MECOM: variants seen among roughly 807,000 people sequenced by gnomAD.
The protein encoded by MECOM is histone-lysine N-methyltransferase MECOM.
A neutral mutation model predicts 116.3 loss-of-function variants in MECOM; 13 were observed. The observed-to-expected ratio is 0.11, with a 90% CI of 0.07 to 0.18. The LOEUF (loss-of-function observed/expected upper bound fraction) is 0.18. Among genes scored for constraint, MECOM ranks in the 10% least tolerant of loss-of-function variants. The pLI is 1.00. For missense variants in MECOM, 1,299 were observed against 1,509.0 expected, an observed-to-expected ratio of 0.86 and a Z score of 2.31; for synonymous variants, 528 against 535.2, an observed-to-expected ratio of 0.99 and a Z score of 0.19.
intron 2 of MECOM, among the ~76,000 whole-genome samples, chr3:169,331,858 C>T (rs1419333798): frequency 6.6e-6 from 1 of 151,866 alleles, no homozygotes; most frequent in African/African-American, 2.4e-5. Flanking sequence ...TTCTGTAATC[C>T]TCAAAGAGGC....
intron 2 of MECOM, among the ~76,000 whole-genome samples, chr3:169,285,672 T>C (rs1404988035): frequency 4.6e-5 from 7 of 152,224 alleles, no homozygotes; most frequent in Non-Finnish European, 1.0e-4. Flanking sequence ...TTAGTTAAGA[T>C]AAGATGTACT....
chr3:169,301,355 A>T (rs1284263278), intron 2 of MECOM, among the ~76,000 whole-genome samples: 1 of 152,242 alleles, frequency 6.6e-6, no homozygotes, highest in Non-Finnish European at 1.5e-5. Flanking sequence ...GTGAAGCAAG[A>T]TGCCACCCAA....
chr3:169,577,474 T>C (rs199889416), intron 1 of MECOM, among the ~76,000 whole-genome samples: 3 of 25,310 alleles, frequency 1.2e-4, no homozygotes, highest in African/African-American at 5.3e-4. Flanking sequence ...AAAAGTTGCC[T>C]TTTTTTTTTT....
intron 1 of MECOM, among the ~76,000 whole-genome samples, chr3:169,395,621 C>A (rs1221501530): frequency 6.6e-6 from 1 of 152,060 alleles, no homozygotes; most frequent in East Asian, 1.9e-4. Flanking sequence ...ATTTGTTTTT[C>A]TTTTAAAAGA....
chr3:169,431,425 T>C (rs1307584310), intron 1 of MECOM, among the ~76,000 whole-genome samples: 6 of 152,146 alleles, frequency 3.9e-5, no homozygotes, highest in Admixed American at 3.3e-4. Flanking sequence ...CCGTTGCTAG[T>C]AGAACATTAT....
intron 1 of MECOM, among the ~76,000 whole-genome samples, chr3:169,598,725 TA>T (rs1244552907): frequency 1.3e-5 from 2 of 152,230 alleles, no homozygotes; most frequent in Non-Finnish European, 1.5e-5. Context: ...TATAAACTCT[TA>T]ATAGGTATTA....
chr3:169,205,458 G>C (rs948067918), intron 2 of MECOM, among the ~76,000 whole-genome samples: 4 of 152,152 alleles, frequency 2.6e-5, no homozygotes, highest in African/African-American at 9.7e-5. Flanking sequence ...AGGCCACACC[G>C]TACTGTACAT....
chr3:169,631,875 C>A (rs891173575), intron 1 of MECOM, among the ~76,000 whole-genome samples: 3 of 152,140 alleles, frequency 2.0e-5, no homozygotes, highest in African/African-American at 7.2e-5. Context: ...TTCTAGTCTA[C>A]ACCCTACAGT....
intron 2 of MECOM, among the ~76,000 whole-genome samples, chr3:169,189,395 C>T (rs1035073442): frequency 2.0e-5 from 3 of 151,986 alleles, no homozygotes; most frequent in African/African-American, 7.2e-5. Flanking sequence ...CCTTGAGTCC[C>T]CAAACTCCAG....
chr3:169,101,168 T>C (rs777569622), intron 11 of MECOM, among the ~76,000 whole-genome samples: 2 of 152,238 alleles, frequency 1.3e-5, no homozygotes, highest in Non-Finnish European at 2.9e-5. Flanking sequence ...TAAGATCTGG[T>C]TGAATTTGTT....
At chr3:169,478,618 C>T (rs1373211502) in intron 1 of MECOM, among the ~76,000 whole-genome samples, 1 of 152,184 alleles carries the variant, frequency 6.6e-6, no homozygotes, top group African/African-American at 2.4e-5. Context: ...GGCTTAACCA[C>T]CCACGGGAAT....
intron 1 of MECOM, among the ~76,000 whole-genome samples, chr3:169,460,258 CAAAT>C (rs1476711056): frequency 2.0e-5 from 3 of 152,070 alleles, no homozygotes; most frequent in African/African-American, 7.2e-5. Context: ...AGAGAGCAAA[CAAAT>C]AGTGAATGGG....
intron 2 of MECOM, among the ~76,000 whole-genome samples, chr3:169,376,975 G>A (rs1273884): frequency 0.45 from 67,673 of 151,918 alleles, 15,538 homozygotes; most frequent in Middle Eastern, 0.55. Flanking sequence ...GTGCCAAAAC[G>A]GATAAAGTAG....
chr3:169,463,512 G>A (rs904545186), intron 1 of MECOM, among the ~76,000 whole-genome samples: 1 of 152,070 alleles, frequency 6.6e-6, no homozygotes, highest in East Asian at 1.9e-4. Context: ...CAAGGGAGGT[G>A]GATTCTGCCT....
intron 2 of MECOM, among the ~76,000 whole-genome samples, chr3:169,202,552 C>T (rs764768392): frequency 9.9e-5 from 15 of 151,998 alleles, no homozygotes; most frequent in Non-Finnish European, 1.8e-4. Flanking sequence ...CATTAAGATT[C>T]CAGCATCTAA....
chr3:169,205,885 A>G (rs1219542168), intron 2 of MECOM, among the ~76,000 whole-genome samples: 1 of 152,224 alleles, frequency 6.6e-6, no homozygotes, highest in African/African-American at 2.4e-5. Context: ...TTGGGATTAG[A>G]TGCTAATAAT....
intron 2 of MECOM, among the ~76,000 whole-genome samples, chr3:169,157,239 C>T (rs1002953026): frequency 6.6e-6 from 1 of 152,140 alleles, no homozygotes; most frequent in African/African-American, 2.4e-5. Flanking sequence ...AATAATTGCC[C>T]CACCCCAAAT....
intron 2 of MECOM, among the ~76,000 whole-genome samples, chr3:169,286,314 C>T (rs1713307554): frequency 6.6e-6 from 1 of 152,184 alleles, no homozygotes; most frequent in Non-Finnish European, 1.5e-5. Context: ...CAGCTTCCCC[C>T]TCTGCTACCT....
At chr3:169,293,541 G>GT (rs1715019166) in intron 2 of MECOM, among the ~76,000 whole-genome samples, 1 of 152,156 alleles carries the variant, frequency 6.6e-6, no homozygotes, top group Admixed American at 6.5e-5. Context: ...TTCTGTTCCA[G>GT]TGTCCCTGCT....
Sources: gnomAD v4.1 joint callset for allele counts (sites outside exome capture counted in the v4.1 genomes callset) on GRCh38, gnomAD v4.1.1 for gene constraint, MANE v1.5 for transcripts, NCBI Gene and HGNC (gene_info 2026-07-23, HGNC 2026-07-21) for gene names.